SUPT3H: variants seen among roughly 807,000 people sequenced by gnomAD.
SUPT3H encodes the protein transcription initiation protein SPT3 homolog.
SUPT3H carries 44 observed loss-of-function variants against 44.3 expected under a neutral mutation model. The ratio of observed to expected loss-of-function variants is 0.99; its 90% CI spans 0.78 to 1.28. SUPT3H has a LOEUF of 1.28. SUPT3H is among the 50% of genes most tolerant of loss of function. The pLI is 0.00. For missense variants in SUPT3H, 380 were observed against 387.1 expected (o/e 0.98, Z 0.15); for synonymous variants, 124 against 125.6 (o/e 0.99, Z 0.09).
At chr6:44,933,858 G>T (rs945107917) in intron 9 of SUPT3H, among the ~76,000 whole-genome samples, 1 of 152,162 alleles carries the variant, frequency 6.6e-6, no homozygotes, top group African/African-American at 2.4e-5. Context: ...ATGATGCCCA[G>T]GATGGTCTTG....
At chr6:45,166,694 A>C (rs999497146) in intron 2 of SUPT3H, among the ~76,000 whole-genome samples, 2 of 152,196 alleles carry the variant, frequency 1.3e-5, no homozygotes, top group African/African-American at 4.8e-5. Context: ...CAAAATCCCC[A>C]AAAATAAAAA....
intron 2 of SUPT3H, among the ~76,000 whole-genome samples, chr6:45,291,225 C>A (rs755773928): frequency 4.6e-5 from 7 of 152,116 alleles, no homozygotes. Flanking sequence ...TCCCAGGAAG[C>A]CACATCCATG....
At chr6:44,955,889 C>T (rs530943020) in intron 7 of SUPT3H, among the ~76,000 whole-genome samples, 3 of 145,720 alleles carry the variant, frequency 2.1e-5, no homozygotes, top group South Asian at 2.2e-4. Flanking sequence ...GGGAGGCCGA[C>T]GCGGGCCGAT....
rs1283910659 is a variant in SUPT3H at position 45,288,589 on chromosome 6, A to G, written c.101+76612T>C. On this transcript the variant is annotated intron_variant, in intron 2 of 10. Transcript: ENST00000371459. ...TGTATATATATATATATATGTATATATATATATGTGTATATATATATATGT... is the reference window on the plus strand; with the variant it reads ...TGTATATATATATATATATGTATATGTATATATGTGTATATATATATATGT... 2.9e-3 allele frequency among the ~76,000 whole-genome samples: 108 copies of G among 37,166 alleles called. 1 individual carries two copies. The highest frequency in any genetic ancestry group is 7.0e-3 in the African/African-American group (103 of 14,678). The allele number at this position is 37,166 out of a possible 152,430, so 24.4% of individuals were successfully genotyped here. A position where few individuals can be genotyped will look rare whatever the true frequency, so the allele number is the denominator to read the frequency against.
chr6:45,087,114 T>C (rs1046223855), intron 3 of SUPT3H, among the ~76,000 whole-genome samples: 1 of 151,950 alleles, frequency 6.6e-6, no homozygotes, highest in Non-Finnish European at 1.5e-5. Context: ...ACATAAAGCA[T>C]AGCAAATTTT....
chr6:44,867,934 C>T (rs142710467), intron 10 of SUPT3H, among the ~76,000 whole-genome samples: 74 of 151,180 alleles, frequency 4.9e-4, no homozygotes, highest in African/African-American at 1.8e-3. Context: ...CTTTTTCTAT[C>T]CCCCATCCCT....
At chr6:45,291,101 CTCACAGATGGTTCACA>C (rs1780246308) in intron 2 of SUPT3H, among the ~76,000 whole-genome samples, 1 of 152,168 alleles carries the variant, frequency 6.6e-6, no homozygotes, top group African/African-American at 2.4e-5. Context: ...AGCTGAGAGA[CTCACAGATGGTTCACA>C]TCACAGGACT....
At chr6:45,041,964 A>AT (rs1788602272) in intron 3 of SUPT3H, among the ~76,000 whole-genome samples, 1 of 152,232 alleles carries the variant, frequency 6.6e-6, no homozygotes, top group African/African-American at 2.4e-5. Context: ...AAAGTGAAGC[A>AT]TAAGTGTGCA....
chr6:45,302,739 T>G (rs932258542), intron 2 of SUPT3H, among the ~76,000 whole-genome samples: 2 of 151,960 alleles, frequency 1.3e-5, no homozygotes, highest in African/African-American at 2.4e-5. Flanking sequence ...GTAGTTCCAT[T>G]TTTAGTTCTT....
chr6:45,298,734 G>A (rs1584784102), intron 2 of SUPT3H, among the ~76,000 whole-genome samples: 2 of 152,070 alleles, frequency 1.3e-5, no homozygotes, highest in East Asian at 3.9e-4. Context: ...TCTATTTACT[G>A]AATGGTAAAA....
At chr6:45,331,640 T>TA (rs1165372418) in intron 2 of SUPT3H, among the ~76,000 whole-genome samples, 1 of 151,946 alleles carries the variant, frequency 6.6e-6, no homozygotes, top group Non-Finnish European at 1.5e-5. Context: ...TACAAACTGT[T>TA]AAAGATTTTT....
chr6:45,183,932 G>A (rs546027290), intron 2 of SUPT3H, among the ~76,000 whole-genome samples: 1 of 152,320 alleles, frequency 6.6e-6, no homozygotes, highest in African/African-American at 2.4e-5. Context: ...GGATGAGGAA[G>A]TGAAAGATGA....
chr6:44,810,336 T>C (rs1382354283), intron 11 of SUPT3H, among the ~76,000 whole-genome samples: 2 of 152,162 alleles, frequency 1.3e-5, no homozygotes, highest in Non-Finnish European at 2.9e-5. Flanking sequence ...GCAAGGACCA[T>C]TGGACCAGTT....
chr6:45,130,713 T>A (rs1296193771), intron 2 of SUPT3H, among the ~76,000 whole-genome samples: 2 of 109,660 alleles, frequency 1.8e-5, no homozygotes, highest in African/African-American at 3.6e-5. Context: ...AAAAAACCAC[T>A]TTTTTTTTTT....
chr6:45,024,810 G>A (rs1316989431), intron 3 of SUPT3H, among the ~76,000 whole-genome samples: 1 of 152,186 alleles, frequency 6.6e-6, no homozygotes, highest in Non-Finnish European at 1.5e-5. Flanking sequence ...CATCCAATCA[G>A]TTGAAGACAT....
At chr6:44,996,827 G>A (rs1054394531) in intron 6 of SUPT3H, among the ~76,000 whole-genome samples, 5 of 151,872 alleles carry the variant, frequency 3.3e-5, no homozygotes, top group Non-Finnish European at 5.9e-5. Context: ...ATTCTGGAAT[G>A]TATTTTGATG....
At chr6:45,010,736 C>T (rs886638927) in intron 5 of SUPT3H, among the ~76,000 whole-genome samples, 7 of 152,022 alleles carry the variant, frequency 4.6e-5, no homozygotes, top group Admixed American at 4.6e-4. Context: ...ATAAAGGTTC[C>T]ATCCTTATGA....
chr6:44,963,525 T>C (rs1020683293), intron 6 of SUPT3H, among the ~76,000 whole-genome samples: 4 of 152,034 alleles, frequency 2.6e-5, no homozygotes, highest in African/African-American at 7.2e-5. Flanking sequence ...CACAACCACG[T>C]CTCCTTAAGA....
Position 45,282,594 on chromosome 6 carries a change from C to CA in SUPT3H, c.101+82606dup. Among the ~76,000 whole-genome samples, 4 of 152,122 alleles carry CA rather than the reference C, an allele frequency of 2.6e-5. No homozygotes were observed. The South Asian group carries it at 8.3e-4, about 32-fold the overall frequency. On this transcript the variant is annotated intron_variant, in intron 2 of 10. Coordinates refer to ENST00000371459, the MANE Select transcript of SUPT3H (RefSeq NM_003599.4). The stretch of plus-strand genomic sequence containing the variant: ...GAAATATGGGACTATGTGAAAAGAC[C>CA]AAATCTACATCTGATTGGTGTACCT...
Sources: gnomAD v4.1 joint callset for allele counts (sites outside exome capture counted in the v4.1 genomes callset) on GRCh38, gnomAD v4.1.1 for gene constraint, MANE v1.5 for transcripts, NCBI Gene and HGNC (gene_info 2026-07-23, HGNC 2026-07-21) for gene names.